Variants in ASAP1 observed in about 807,000 individuals in gnomAD.
ASAP1 encodes the protein ArfGAP with SH3 domain, ankyrin repeat and PH domain 1.
Under a neutral mutation model 145.2 loss-of-function variants are expected in ASAP1, and 43 were observed. That is an observed-to-expected ratio of 0.30 (90% CI 0.23 to 0.38). The LOEUF is 0.38. Among genes scored for constraint, ASAP1 ranks in the 10% least tolerant of loss-of-function variants. The pLI, the probability that ASAP1 is intolerant of heterozygous loss-of-function variation, is 1.00. For missense variants in ASAP1, 1,018 were observed against 1,355.3 expected, an observed-to-expected ratio of 0.75 and a Z score of 3.91; for synonymous variants, 546 against 515.5, an observed-to-expected ratio of 1.06 and a Z score of -0.80.
chr8:130,263,327 A>C (rs1820053100), intron 3 of ASAP1, among the ~76,000 whole-genome samples: 1 of 152,222 alleles, frequency 6.6e-6, no homozygotes, highest in South Asian at 2.1e-4. Flanking sequence ...CCACCCTCTC[A>C]GGAATTTGAA....
intron 12 of ASAP1, among the ~76,000 whole-genome samples, chr8:130,154,183 TC>T (rs759418681): frequency 5.3e-5 from 8 of 151,632 alleles, no homozygotes; most frequent in Non-Finnish European, 1.2e-4. Flanking sequence ...CCTTTAGGGG[TC>T]TTCCAGAGAC....
intron 3 of ASAP1, among the ~76,000 whole-genome samples, chr8:130,274,194 A>C (rs1290465568): frequency 1.3e-5 from 2 of 152,204 alleles, no homozygotes; most frequent in Admixed American, 1.3e-4. Flanking sequence ...GGAAGTACCA[A>C]CTCAAAATGA....
At position 130,374,313 on chromosome 8, in the gene ASAP1, A is replaced by C. The variant is rs911555165; in HGVS notation, c.60-16170T>G. Among the ~76,000 whole-genome samples, 24 of 152,374 alleles carry C rather than the reference A, an allele frequency of 1.6e-4. 1 individual carries two copies. The highest frequency in any genetic ancestry group is 1.6e-3 in the Admixed American group (24 of 15,312). On this transcript the variant is annotated intron_variant, in intron 2 of 29. Transcript: ENST00000518721. The stretch of plus-strand genomic sequence containing the variant: ...AACTGAGATTTTACTACGTATGTGA[A>C]TCTTCATTGTTTTCCATGAAGCTAA...
rs186999568 is a variant in ASAP1 at position 130,403,702 on chromosome 8, G to A, written c.-27-1732C>T. 3.0e-4 allele frequency among the ~76,000 whole-genome samples: 46 copies of A among 151,896 alleles called. No homozygotes were observed. The East Asian group carries it at 8.5e-3, about 28-fold the overall frequency. ...CAAGTAGCTGGGATTACAGGTGTCC[G>A]CCACCACGCCCAGCTACTTTTTTGC... is the stretch of plus-strand genomic sequence containing the variant. On this transcript the variant is annotated intron_variant, in intron 1 of 29. Coordinates refer to ENST00000518721, the MANE Select transcript of ASAP1 (RefSeq NM_018482.4).
chr8:130,385,002 G>A (rs981566780), intron 2 of ASAP1, among the ~76,000 whole-genome samples: 16 of 152,282 alleles, frequency 1.1e-4, no homozygotes, highest in Admixed American at 2.6e-4. Context: ...TATGGAGGCC[G>A]GGGCTTGAGG....
At chr8:130,145,401 T>A (rs1167824910) in intron 13 of ASAP1, among the ~76,000 whole-genome samples, 3 of 152,176 alleles carry the variant, frequency 2.0e-5, no homozygotes, top group Non-Finnish European at 4.4e-5. Context: ...TACTGCAACC[T>A]CTGCCTCCTG....
intron 1 of ASAP1, among the ~76,000 whole-genome samples, chr8:130,430,155 A>G (rs2138773263): frequency 6.6e-6 from 1 of 152,336 alleles, no homozygotes; most frequent in South Asian, 2.1e-4. Context: ...AATTTAGCAA[A>G]AGAGAGATTG....
chr8:130,308,707 C>A (rs1823140522), intron 3 of ASAP1, among the ~76,000 whole-genome samples: 1 of 152,108 alleles, frequency 6.6e-6, no homozygotes, highest in Non-Finnish European at 1.5e-5. Context: ...AATTTCAACT[C>A]CCTCAGTACA....
rs148330795 is a variant in ASAP1 at position 130,295,042 on chromosome 8, T to C, written c.187-58048A>G. 3.7e-3 allele frequency among the ~76,000 whole-genome samples: 564 copies of C among 152,230 alleles called. 1 individual carries two copies. The highest frequency in any genetic ancestry group is 0.013 in the African/African-American group (540 of 41,540). ...GCTTTGGGAGGCTGAGGTGGGAGGA[T>C]TGCTTGAGGCCAGGAGTTCAAGACC... is the stretch of plus-strand genomic sequence containing the variant. On this transcript the variant is annotated intron_variant, in intron 3 of 29. Coordinates refer to ENST00000518721, the MANE Select transcript of ASAP1 (RefSeq NM_018482.4).
intron 9 of ASAP1, among the ~76,000 whole-genome samples, chr8:130,173,076 C>T (rs533939955): frequency 3.3e-5 from 5 of 152,012 alleles, no homozygotes; most frequent in East Asian, 1.9e-4. Flanking sequence ...AAGGATATCA[C>T]GTATTAATCA....
chr8:130,054,649 T>C lies in ASAP1; in HGVS notation c.*82A>G. ...GAGTTTCTTACTCTGTAACAGCAGC[T>C]ATATACACACTGTGCCCAGGGTTAC... is the stretch of plus-strand genomic sequence containing the variant. On this transcript the variant is annotated 3_prime_UTR_variant, in exon 30 of 30. Transcript: ENST00000518721. The C allele has an allele frequency of 2.5e-6, 3 of 1,186,396 alleles. No individual in the cohort carries two copies. The highest frequency in any genetic ancestry group is 1.7e-5 in the Admixed American group (1 of 58,902). 73.5% of individuals were successfully genotyped at this position (1,186,396 alleles called of 1,614,324 possible).
chr8:130,402,610 C>A (rs1020341062), intron 1 of ASAP1, among the ~76,000 whole-genome samples: 2 of 152,156 alleles, frequency 1.3e-5, no homozygotes, highest in South Asian at 2.1e-4. Context: ...AGCCAAGGGA[C>A]CTCCTTGGCT....
intron 13 of ASAP1, among the ~76,000 whole-genome samples, chr8:130,152,100 T>A (rs7813441): frequency 0.025 from 3,877 of 152,316 alleles, 170 homozygotes; most frequent in African/African-American, 0.087. Context: ...CTCATCTCTC[T>A]TTTCTACTAT....
intron 4 of ASAP1, among the ~76,000 whole-genome samples, chr8:130,227,098 G>A (rs935992309): frequency 2.0e-5 from 3 of 152,138 alleles, no homozygotes; most frequent in Non-Finnish European, 4.4e-5. Flanking sequence ...TTATGGCCTT[G>A]GGTACCACCT....
intron 2 of ASAP1, among the ~76,000 whole-genome samples, chr8:130,388,944 T>C (rs779833714): frequency 1.3e-5 from 2 of 152,204 alleles, no homozygotes; most frequent in Non-Finnish European, 2.9e-5. Flanking sequence ...ACCAGCAATG[T>C]GGCCTTAAAT....
chr8:130,132,793 T>A (rs550018247), intron 15 of ASAP1, among the ~76,000 whole-genome samples: 43 of 152,142 alleles, frequency 2.8e-4, no homozygotes, highest in Non-Finnish European at 5.6e-4. Context: ...ACCTTTCTCA[T>A]CCTTTTCCTT....
chr8:130,290,832 C>A (rs1180084361), intron 3 of ASAP1, among the ~76,000 whole-genome samples: 1 of 152,202 alleles, frequency 6.6e-6, no homozygotes, highest in Non-Finnish European at 1.5e-5. Flanking sequence ...TACCGTATCA[C>A]ACAGACTTTC....
intron 3 of ASAP1, among the ~76,000 whole-genome samples, chr8:130,274,607 T>C (rs1336242128): frequency 1.3e-5 from 2 of 152,204 alleles, no homozygotes; most frequent in Non-Finnish European, 1.5e-5. Context: ...ATCGCATTCA[T>C]TGTTGAGGAT....
intron 11 of ASAP1, among the ~76,000 whole-genome samples, chr8:130,163,685 T>C (rs2097674214): frequency 6.6e-6 from 1 of 152,018 alleles, no homozygotes; most frequent in African/African-American, 2.4e-5. Flanking sequence ...ATACTGGACA[T>C]TTAATAACAT....
Sources: allele counts gnomAD v4.1 joint callset (sites outside exome capture counted in the v4.1 genomes callset), GRCh38; gene constraint gnomAD v4.1.1; transcripts MANE v1.5; gene names NCBI Gene and HGNC (gene_info 2026-07-23, HGNC 2026-07-21).